The following MRPS6 variants were observed in gnomAD, a reference collection of about 807,000 sequenced individuals.
MRPS6 encodes the protein mitochondrial ribosomal protein S6, also known as small ribosomal subunit protein bS6m.
In MRPS6, 6 loss-of-function variants were observed where a neutral mutation model predicts 13.1. The ratio of observed to expected loss-of-function variants is 0.46; its 90% CI spans 0.25 to 0.91. The LOEUF (loss-of-function observed/expected upper bound fraction) is 0.91, where lower values mean the gene tolerates loss of function less well. Among genes scored for constraint, MRPS6 ranks in the 40% least tolerant of loss-of-function variants. The pLI is 0.18. For synonymous variants in MRPS6, 61 were observed against 56.5 expected (o/e 1.08, Z -0.36); for missense variants, 164 against 155.6 (o/e 1.05, Z -0.29).
At chr21:34,097,507 A>G in intron 1 of MRPS6, 2 of 1,407,190 alleles carry the variant, frequency 1.4e-6, no homozygotes, top group Non-Finnish European at 1.9e-6. Context: ...ACAAGACTTT[A>G]TTTTCCCAGA....
At chr21:34,111,618 G>A (rs1979703386) in intron 1 of MRPS6, among the ~76,000 whole-genome samples, 2 of 152,194 alleles carry the variant, frequency 1.3e-5, no homozygotes, top group South Asian at 2.1e-4. Flanking sequence ...CTTTGAGGCA[G>A]TTGAGGTTCC....
chr21:34,115,385 G>A (rs1330022151), intron 1 of MRPS6, among the ~76,000 whole-genome samples: 1 of 152,108 alleles, frequency 6.6e-6, no homozygotes, highest in Non-Finnish European at 1.5e-5. Flanking sequence ...TGACCACTGT[G>A]GTGTCAGGGC....
At chr21:34,138,786 T>G (rs1366060709) in intron 2 of MRPS6, among the ~76,000 whole-genome samples, 5 of 152,194 alleles carry the variant, frequency 3.3e-5, no homozygotes, top group Non-Finnish European at 5.9e-5. Context: ...TGGCGATTCC[T>G]CAGGGATCTA....
At chr21:34,107,122 T>C (rs566150646) in intron 1 of MRPS6, among the ~76,000 whole-genome samples, 45 of 152,220 alleles carry the variant, frequency 3.0e-4, no homozygotes, top group African/African-American at 9.9e-4. Context: ...AGTAGAGATA[T>C]GGTTTTGCCA....
chr21:34,086,747 A>T (rs1978406215), intron 1 of MRPS6, among the ~76,000 whole-genome samples: 1 of 152,192 alleles, frequency 6.6e-6, no homozygotes, highest in Admixed American at 6.5e-5. Context: ...AGTGGTTGGC[A>T]CATGGTGTTT....
chr21:34,088,232 A>G (rs1266516189), intron 1 of MRPS6, among the ~76,000 whole-genome samples: 2 of 32 alleles, frequency 0.062, no homozygotes, highest in Non-Finnish European at 0.11. Flanking sequence ...GGTCAAGTAT[A>G]GAATACACTT....
At chr21:34,097,557 C>A in intron 1 of MRPS6, 2 of 1,353,052 alleles carry the variant, frequency 1.5e-6, no homozygotes, top group Non-Finnish European at 1.9e-6. Context: ...TGAAGCCAAA[C>A]CTAACAGACT....
intron 2 of MRPS6, chr21:34,135,924 C>T (rs1980681697): frequency 4.4e-6 from 2 of 458,602 alleles, no homozygotes; most frequent in African/African-American, 4.1e-5. Context: ...CATACTTCTC[C>T]TTCACTGCAA....
chr21:34,123,262 CA>C (rs1008807120), intron 1 of MRPS6: 1 of 152,152 alleles, frequency 6.6e-6, no homozygotes, highest in Non-Finnish European at 1.5e-5. Context: ...CCAGAATGCA[CA>C]CTTAAACTTG....
chr21:34,092,853 A>C (rs1396928317), intron 1 of MRPS6, among the ~76,000 whole-genome samples: 9 of 152,146 alleles, frequency 5.9e-5, no homozygotes, highest in Non-Finnish European at 1.3e-4. Flanking sequence ...TGCCATTGGG[A>C]AGAGTGATAC....
At chr21:34,102,374 T>G (rs1979279473) in intron 1 of MRPS6, 2 of 995,352 alleles carry the variant, frequency 2.0e-6, no homozygotes, top group Admixed American at 6.8e-5. Context: ...TTGATGTAAT[T>G]TCTGTTTCTG....
intron 1 of MRPS6, among the ~76,000 whole-genome samples, chr21:34,090,857 CTG>C (rs572575542): frequency 1.3e-4 from 20 of 152,328 alleles, no homozygotes; most frequent in South Asian, 4.1e-4. Flanking sequence ...CCCTTAAAAA[CTG>C]TGCTGTTTTC....
At chr21:34,103,157 A>G (rs184874837) in intron 1 of MRPS6, 20 of 999,824 alleles carry the variant, frequency 2.0e-5, no homozygotes, top group Non-Finnish European at 1.2e-6. Flanking sequence ...GCCAGTATAT[A>G]TGGTATTCCA....
At chr21:34,081,615 A>G (rs1420339176) in intron 1 of MRPS6, among the ~76,000 whole-genome samples, 3 of 152,162 alleles carry the variant, frequency 2.0e-5, no homozygotes, top group African/African-American at 7.2e-5. Context: ...TGTAGCACCT[A>G]CTTCCTAAGG....
intron 1 of MRPS6, chr21:34,100,054 T>C (rs1979164311): frequency 2.0e-6 from 2 of 991,736 alleles, no homozygotes; most frequent in Middle Eastern, 5.2e-4. Context: ...AATGATGACA[T>C]TGGTCTTTAG....
intron 1 of MRPS6, among the ~76,000 whole-genome samples, chr21:34,078,200 C>T (rs1284318505): frequency 6.6e-6 from 1 of 152,046 alleles, no homozygotes. Context: ...CTTTAATAAT[C>T]TCTCTTTGTG....
intron 1 of MRPS6, chr21:34,099,705 A>G: frequency 1.0e-6 from 1 of 998,094 alleles, no homozygotes; most frequent in Non-Finnish European, 1.2e-6. Context: ...TACATAAGGT[A>G]CATCATCTTG....
At chr21:34,092,128 A>ATC (rs1556004192) in intron 1 of MRPS6, among the ~76,000 whole-genome samples, 1 of 130,910 alleles carries the variant, frequency 7.6e-6, no homozygotes, top group Non-Finnish European at 1.7e-5. Context: ...AGAAAAACAT[A>ATC]TATATATATA....
rs567408793 is a variant in MRPS6 at position 34,074,480 on chromosome 21, G to C, written c.45+735G>C. Among the ~76,000 whole-genome samples the C allele has an allele frequency of 2.0e-5, 3 of 152,318 alleles. No homozygotes were observed. In the East Asian group the frequency reaches 5.8e-4, roughly 29 times the overall value. The stretch of plus-strand genomic sequence containing the variant: ...CCTGCTTTTGATTGATCTTGAGGTA[G>C]GGGATTTCAGGTTTGGAGGGATGCT... On this transcript the variant is annotated intron_variant, in intron 1 of 2. Transcript: ENST00000399312.
Sources: allele counts gnomAD v4.1 joint callset (sites outside exome capture counted in the v4.1 genomes callset), GRCh38; gene constraint gnomAD v4.1.1; transcripts MANE v1.5; gene names NCBI Gene and HGNC (gene_info 2026-07-23, HGNC 2026-07-21).